The following CALN1 variants were observed in gnomAD, a reference collection of about 807,000 sequenced individuals.
The protein encoded by CALN1 is calcium-binding protein 8.
Under a neutral mutation model 30.6 loss-of-function variants are expected in CALN1, and 17 were observed. The ratio of observed to expected loss-of-function variants is 0.56; its 90% confidence interval spans 0.38 to 0.83. The LOEUF is 0.83. Among genes scored for constraint, CALN1 ranks in the 40% least tolerant of loss-of-function variants. The pLI is 0.00. For synonymous variants in CALN1, 156 were observed against 131.4 expected (o/e 1.19, Z -1.28); for missense variants, 291 against 354.9 (o/e 0.82, Z 1.45).
chr7:72,373,899 A>G (rs942868001), intron 2 of CALN1, among the ~76,000 whole-genome samples: 1 of 152,254 alleles, frequency 6.6e-6, no homozygotes, highest in African/African-American at 2.4e-5. Flanking sequence ...TAGAAAAGCA[A>G]TGATTCACAG....
intron 2 of CALN1, among the ~76,000 whole-genome samples, chr7:72,348,488 A>G (rs1259771530): frequency 6.6e-6 from 1 of 152,240 alleles, no homozygotes; most frequent in Non-Finnish European, 1.5e-5. Context: ...AAAGGTGGAA[A>G]TTTTTTATAA....
rs200382114 is a variant in CALN1, at chr7:71,971,961, G to A, written c.501+51696C>T. Among the ~76,000 whole-genome samples the A allele has an allele frequency of 5.1e-3, 346 of 67,292 alleles. 1 individual carries two copies. The highest frequency in any genetic ancestry group is 7.5e-3 in the Non-Finnish European group (256 of 34,254). 44.1% of individuals were successfully genotyped at this position (67,292 alleles called of 152,430 possible). On this transcript the variant is annotated intron_variant, in intron 5 of 6. Coordinates refer to ENST00000395275, the MANE Select transcript of CALN1 (RefSeq NM_031468.4). ...AAAAAAAAAAAAAAAAAAAAAGAAA[G>A]AAAGAAAGAAAGAAAGAAAGAAAGA...
intron 5 of CALN1, among the ~76,000 whole-genome samples, chr7:71,812,650 T>C (rs1451162886): frequency 6.6e-6 from 1 of 152,134 alleles, no homozygotes; most frequent in Non-Finnish European, 1.5e-5. Flanking sequence ...ATTCCTGGCG[T>C]TGCAGCATTG....
intron 2 of CALN1, among the ~76,000 whole-genome samples, chr7:72,287,038 G>A (rs1366315282): frequency 1.3e-5 from 2 of 152,132 alleles, no homozygotes; most frequent in Non-Finnish European, 2.9e-5. Context: ...AACAGTAGCA[G>A]AATGAAAATC....
At chr7:72,223,659 T>A (rs139025915) in intron 3 of CALN1, among the ~76,000 whole-genome samples, 1 of 152,158 alleles carries the variant, frequency 6.6e-6, no homozygotes, top group Non-Finnish European at 1.5e-5. Context: ...AAAAAATAAA[T>A]TGTTCTACCC....
the CALN1 span, among the ~76,000 whole-genome samples, chr7:72,497,073 C>T: frequency 1.3e-5 from 2 of 151,946 alleles, no homozygotes; most frequent in African/African-American, 4.8e-5. Flanking sequence ...CCAATGAGCC[C>T]AGAGGAAAGG....
intron 3 of CALN1, among the ~76,000 whole-genome samples, chr7:72,107,117 G>A (rs2129541343): frequency 6.6e-6 from 1 of 152,278 alleles, no homozygotes; most frequent in Non-Finnish European, 1.5e-5. Flanking sequence ...ATTAGATGGT[G>A]GTCCCAGCAG....
At chr7:72,380,950 A>G (rs1585621237) in intron 2 of CALN1, among the ~76,000 whole-genome samples, 1 of 152,326 alleles carries the variant, frequency 6.6e-6, no homozygotes, top group African/African-American at 2.4e-5. Flanking sequence ...CTGCAAAGAG[A>G]GCACAGCATA....
chr7:71,842,504 C>T (rs115246804), intron 5 of CALN1, among the ~76,000 whole-genome samples: 1,610 of 152,278 alleles, frequency 0.011, 21 homozygotes, highest in African/African-American at 0.036. Flanking sequence ...ATTCTGGCAG[C>T]AGGGTTGGTG....
intron 5 of CALN1, among the ~76,000 whole-genome samples, chr7:71,885,382 G>A (rs1181280912): frequency 6.6e-6 from 1 of 152,186 alleles, no homozygotes; most frequent in Non-Finnish European, 1.5e-5. Context: ...TTGATCTCCT[G>A]ATATCGTGAT....
At chr7:72,402,185 C>G (rs1477915506) in intron 2 of CALN1, among the ~76,000 whole-genome samples, 1 of 152,180 alleles carries the variant, frequency 6.6e-6, no homozygotes, top group African/African-American at 2.4e-5. Flanking sequence ...TAAGCGTTCT[C>G]TTGGCCAGGG....
chr7:72,047,122 A>T (rs1199182110), intron 4 of CALN1, among the ~76,000 whole-genome samples: 1 of 152,202 alleles, frequency 6.6e-6, no homozygotes, highest in Non-Finnish European at 1.5e-5. Flanking sequence ...AATCCAGCAG[A>T]GAAGGGAAGC....
At chr7:72,438,020 G>A in intron 1 of CALN1, among the ~76,000 whole-genome samples, 1 of 150,952 alleles carries the variant, frequency 6.6e-6, no homozygotes, top group East Asian at 1.9e-4. Context: ...TGTTGCCCAG[G>A]TTGGAGTGCA....
At chr7:72,294,100 CAAAAT>C (rs1585389421) in intron 2 of CALN1, among the ~76,000 whole-genome samples, 1 of 151,862 alleles carries the variant, frequency 6.6e-6, no homozygotes, top group East Asian at 1.9e-4. Context: ...CACAAAAAAA[CAAAAT>C]GAGATTCAGT....
chr7:72,321,531 G>A (rs973442958), intron 2 of CALN1, among the ~76,000 whole-genome samples: 6 of 152,154 alleles, frequency 3.9e-5, no homozygotes, highest in Non-Finnish European at 5.9e-5. Context: ...ATTGTTTTGC[G>A]TGAAGTGGGG....
At chr7:72,387,521 G>A (rs1408970678) in intron 2 of CALN1, among the ~76,000 whole-genome samples, 2 of 152,032 alleles carry the variant, frequency 1.3e-5, no homozygotes, top group Non-Finnish European at 2.9e-5. Context: ...CAACATCAAC[G>A]GTGACAGTCA....
At chr7:72,218,924 A>G (rs1189135715) in intron 3 of CALN1, among the ~76,000 whole-genome samples, 1 of 152,188 alleles carries the variant, frequency 6.6e-6, no homozygotes, top group East Asian at 1.9e-4. Flanking sequence ...GAGTTCAGGA[A>G]GGGGCTGGGT....
chr7:72,061,341 A>G (rs1343858986), intron 4 of CALN1, among the ~76,000 whole-genome samples: 4 of 152,236 alleles, frequency 2.6e-5, no homozygotes. Flanking sequence ...AAAGATGTTA[A>G]TGAAACCATT....
At chr7:71,896,053 C>A (rs149799133) in intron 5 of CALN1, among the ~76,000 whole-genome samples, 24 of 152,288 alleles carry the variant, frequency 1.6e-4, no homozygotes, top group African/African-American at 5.5e-4. Flanking sequence ...CTGTATAGTG[C>A]CTGCTGTGCC....
Sources: gnomAD v4.1 joint callset for allele counts (sites outside exome capture counted in the v4.1 genomes callset) on GRCh38, gnomAD v4.1.1 for gene constraint, MANE v1.5 for transcripts, NCBI Gene and HGNC (gene_info 2026-07-23, HGNC 2026-07-21) for gene names.